FAM107B: variants seen among roughly 807,000 people sequenced by gnomAD.
FAM107B encodes family with sequence similarity 107 member B.
In FAM107B, 21 loss-of-function variants were observed where a neutral mutation model predicts 31.5. The ratio of observed to expected loss-of-function variants is 0.67; its 90% CI spans 0.47 to 0.96. The LOEUF is 0.96. Among genes scored for constraint, FAM107B ranks in the 40% least tolerant of loss-of-function variants. The pLI is 0.00. For missense variants in FAM107B, 452 were observed against 377.1 expected (o/e 1.20, Z -1.64); for synonymous variants, 157 against 141.5 (o/e 1.11, Z -0.78).
intron 2 of FAM107B, among the ~76,000 whole-genome samples, chr10:14,544,808 GAATA>G (rs1268812755): frequency 6.6e-6 from 1 of 152,128 alleles, no homozygotes; most frequent in Non-Finnish European, 1.5e-5. Flanking sequence ...TCCATTATTA[GAATA>G]AATAATGAAA....
At chr10:14,631,778 C>T (rs992244830) in intron 2 of FAM107B, among the ~76,000 whole-genome samples, 6 of 152,174 alleles carry the variant, frequency 3.9e-5, no homozygotes, top group Non-Finnish European at 7.4e-5. Context: ...ATGAGCATTC[C>T]TCTCCAATGC....
At chr10:14,529,122 C>T (rs1356076385) in intron 3 of FAM107B, among the ~76,000 whole-genome samples, 4 of 152,180 alleles carry the variant, frequency 2.6e-5, no homozygotes, top group African/African-American at 9.7e-5. Context: ...GACATGATTT[C>T]CCAGGCAGGA....
At chr10:14,580,911 G>A (rs1490419347) in intron 2 of FAM107B, among the ~76,000 whole-genome samples, 1 of 152,200 alleles carries the variant, frequency 6.6e-6, no homozygotes, top group African/African-American at 2.4e-5. Context: ...TGAGAGCACA[G>A]TGATTAAAAC....
chr10:14,651,188 G>A (rs946879660), intron 2 of FAM107B, among the ~76,000 whole-genome samples: 1 of 152,234 alleles, frequency 6.6e-6, no homozygotes, highest in Admixed American at 6.5e-5. Context: ...TATCTATAAG[G>A]AGCCTGGGAA....
intron 2 of FAM107B, among the ~76,000 whole-genome samples, chr10:14,588,832 A>C (rs1045064853): frequency 2.0e-5 from 3 of 152,182 alleles, no homozygotes; most frequent in Non-Finnish European, 2.9e-5. Context: ...AGAGAGAAGG[A>C]GGGCTCCAAA....
In FAM107B at chr10:14,520,067, C is replaced by CA. The variant is rs1845490134; in HGVS notation, c.*1122dup. 1.3e-5 allele frequency: 2 copies of CA among 152,612 alleles called. No homozygotes were observed. The highest frequency in any genetic ancestry group is 2.9e-5 in the Non-Finnish European group (2 of 68,048). 9.5% of individuals were successfully genotyped at this position (152,612 alleles called of 1,614,324 possible). ...CATCCTTATCAACAGCATCATCACT[C>CA]AGACAGTGGTGAAAGTCTTTCTTCA... On this transcript the variant is annotated 3_prime_UTR_variant, in exon 5 of 5. Coordinates refer to ENST00000181796, the MANE Select transcript of FAM107B (RefSeq NM_031453.4).
chr10:14,597,912 T>G (rs930159706), intron 2 of FAM107B, among the ~76,000 whole-genome samples: 1 of 152,134 alleles, frequency 6.6e-6, no homozygotes, highest in African/African-American at 2.4e-5. Flanking sequence ...ATGGCACCAC[T>G]GCACTCCAGC....
chr10:14,722,068 A>G (rs895111463), intron 1 of FAM107B, among the ~76,000 whole-genome samples: 2 of 152,164 alleles, frequency 1.3e-5, no homozygotes, highest in Admixed American at 1.3e-4. Context: ...TTATGGATTT[A>G]TTTTCTAAGT....
At chr10:14,753,133 C>T (rs140958715) in intron 1 of FAM107B, among the ~76,000 whole-genome samples, 25 of 152,170 alleles carry the variant, frequency 1.6e-4, no homozygotes, top group Non-Finnish European at 1.9e-4. Context: ...AAAGAGTGAT[C>T]GTAGTTGTCA....
intron 2 of FAM107B, among the ~76,000 whole-genome samples, chr10:14,536,562 G>A (rs541600625): frequency 3.3e-5 from 5 of 152,218 alleles, no homozygotes; most frequent in South Asian, 2.1e-4. Context: ...CCTGAGTTCC[G>A]GTAAGAATTT....
intron 3 of FAM107B, among the ~76,000 whole-genome samples, chr10:14,523,444 G>C (rs1845882157): frequency 6.6e-6 from 1 of 152,230 alleles, no homozygotes; most frequent in Non-Finnish European, 1.5e-5. Flanking sequence ...AGTAATTCAG[G>C]CTTTTCTGAA....
intron 3 of FAM107B, 196 bp from the exon 4 acceptor site, chr10:14,522,215 A>C (rs1010704499): frequency 6.0e-6 from 4 of 671,236 alleles, no homozygotes; most frequent in Non-Finnish European, 9.8e-6. Flanking sequence ...AGATCTCCAA[A>C]GAGTACATAA....
intron 1 of FAM107B, among the ~76,000 whole-genome samples, chr10:14,690,964 G>A (rs909320565): frequency 6.6e-6 from 1 of 152,142 alleles, no homozygotes; most frequent in Admixed American, 6.5e-5. Context: ...AGCCAACAAA[G>A]TGAAAAGCAC....
At chr10:14,762,336 A>C (rs1350241770) in intron 1 of FAM107B, among the ~76,000 whole-genome samples, 2 of 152,174 alleles carry the variant, frequency 1.3e-5, no homozygotes, top group African/African-American at 4.8e-5. Context: ...GAAGGACCCT[A>C]ATCGGGAACC....
At chr10:14,764,172 C>A (rs1026571281) in intron 1 of FAM107B, among the ~76,000 whole-genome samples, 2 of 152,222 alleles carry the variant, frequency 1.3e-5, no homozygotes, top group Non-Finnish European at 2.9e-5. Flanking sequence ...TGTTTTATAT[C>A]AAAAATTCCT....
In FAM107B at chr10:14,669,548, A is replaced by G. The variant is rs368878058; in HGVS notation, c.412-1857T>C. Among the ~76,000 whole-genome samples the G allele has an allele frequency of 8.5e-5, 13 of 152,328 alleles. No individual in the cohort carries two copies. In the East Asian group the frequency reaches 2.5e-3, roughly 29 times the overall value. ...TAAAGAAAATGTGGTAAATATACAC[A>G]ATGGAATACTATTTGGCCATAAAAA... On this transcript the variant is annotated intron_variant, in intron 1 of 4. Coordinates refer to ENST00000181796, the MANE Select transcript of FAM107B (RefSeq NM_031453.4).
At chr10:14,605,450 T>C (rs2131383897) in intron 2 of FAM107B, among the ~76,000 whole-genome samples, 1 of 152,350 alleles carries the variant, frequency 6.6e-6, no homozygotes, top group South Asian at 2.1e-4. Flanking sequence ...TGGCAACAGA[T>C]GACTAAGGGC....
At chr10:14,629,558 G>A (rs1331877228) in intron 2 of FAM107B, among the ~76,000 whole-genome samples, 1 of 139,068 alleles carries the variant, frequency 7.2e-6, no homozygotes, top group Non-Finnish European at 1.5e-5. Context: ...TGTCGCCCAG[G>A]CTGGAGTGCA....
At chr10:14,527,932 A>G in intron 3 of FAM107B, 1 of 246,042 alleles carries the variant, frequency 4.1e-6, no homozygotes, top group Non-Finnish European at 8.3e-6. Context: ...CAAGTTTGGT[A>G]TTACCTTGAA....
Sources: gnomAD v4.1 joint callset for allele counts (sites outside exome capture counted in the v4.1 genomes callset) on GRCh38, gnomAD v4.1.1 for gene constraint, MANE v1.5 for transcripts, NCBI Gene and HGNC (gene_info 2026-07-23, HGNC 2026-07-21) for gene names.